The following MICU3 variants were observed in gnomAD, a reference collection of about 807,000 sequenced individuals.
MICU3 encodes calcium uptake protein 3, mitochondrial.
In MICU3, 62 loss-of-function variants were observed where a neutral mutation model predicts 66.5. That is an observed-to-expected ratio of 0.93 (90% CI 0.76 to 1.15). The LOEUF is 1.15. Among genes scored for constraint, MICU3 ranks in the 50% most tolerant of loss-of-function variants. The pLI is 0.00. For synonymous variants in MICU3, 308 were observed against 240.7 expected, an observed-to-expected ratio of 1.28 and a Z score of -2.59; for missense variants, 779 against 664.4, an observed-to-expected ratio of 1.17 and a Z score of -1.90.
chr8:17,094,583 T>C (rs1800464243), intron 8 of MICU3, among the ~76,000 whole-genome samples: 1 of 152,024 alleles, frequency 6.6e-6, no homozygotes, highest in African/African-American at 2.4e-5. Context: ...CAATATGTTA[T>C]TTTGGCAATA....
chr8:17,078,463 T>G (rs1196701218), intron 4 of MICU3, among the ~76,000 whole-genome samples: 1 of 152,132 alleles, frequency 6.6e-6, no homozygotes, highest in African/African-American at 2.4e-5. Flanking sequence ...TATTGTAATT[T>G]TCTTTTACAG....
intron 3 of MICU3, among the ~76,000 whole-genome samples, chr8:17,074,381 T>A (rs554164932): frequency 3.3e-5 from 5 of 152,168 alleles, no homozygotes; most frequent in Non-Finnish European, 7.4e-5. Flanking sequence ...AAGAGTTTCC[T>A]TTCAGAACTG....
chr8:17,087,639 G>A (rs898086859), intron 7 of MICU3, among the ~76,000 whole-genome samples: 14 of 151,890 alleles, frequency 9.2e-5, no homozygotes, highest in African/African-American at 2.4e-4. Context: ...CCTTACAAAC[G>A]GACACTATAC....
At chr8:17,085,130 A>G (rs1799332006) in intron 5 of MICU3, 106 bp from the exon 6 acceptor site, 5 of 661,518 alleles carry the variant, frequency 7.6e-6, no homozygotes, top group South Asian at 6.8e-5. Flanking sequence ...GCTTTCTACT[A>G]TCTTTAACCA....
chr8:17,075,079 G>T (rs1820176360), intron 3 of MICU3, among the ~76,000 whole-genome samples: 1 of 152,070 alleles, frequency 6.6e-6, no homozygotes. Context: ...CTATGGTTAT[G>T]GTTTTATTAG....
intron 11 of MICU3, among the ~76,000 whole-genome samples, chr8:17,111,106 A>C (rs1029321510): frequency 2.0e-5 from 3 of 152,100 alleles, no homozygotes; most frequent in Admixed American, 2.0e-4. Context: ...GAGTAATTAT[A>C]TTCAGCATCT....
At chr8:17,053,177 G>A (rs1816381772) in intron 1 of MICU3, among the ~76,000 whole-genome samples, 1 of 152,080 alleles carries the variant, frequency 6.6e-6, no homozygotes, top group African/African-American at 2.4e-5. Context: ...TTTCACGGTT[G>A]CTAAAAGGTA....
At chr8:17,069,073 GATCCCT>G in intron 2 of MICU3, among the ~76,000 whole-genome samples, 1 of 152,118 alleles carries the variant, frequency 6.6e-6, no homozygotes, top group Non-Finnish European at 1.5e-5. Flanking sequence ...AAAAGAAAGT[GATCCCT>G]GACATTTTAT....
At chr8:17,053,213 T>C (rs1326662458) in intron 1 of MICU3, among the ~76,000 whole-genome samples, 1 of 152,178 alleles carries the variant, frequency 6.6e-6, no homozygotes, top group Non-Finnish European at 1.5e-5. Flanking sequence ...TAAGGTATTA[T>C]GCAGTTTAGA....
At chr8:17,036,396 C>T (rs1300353660) in intron 1 of MICU3, among the ~76,000 whole-genome samples, 4 of 152,024 alleles carry the variant, frequency 2.6e-5, no homozygotes, top group Admixed American at 6.5e-5. Context: ...GAAGGGGACC[C>T]GAGCGGGTTG....
In MICU3 at chr8:17,104,445, T is replaced by G; in HGVS notation, c.1039T>G (p.Phe347Val). 1.4e-6 allele frequency: 2 copies of G among 1,467,622 alleles called. No homozygotes were observed. Among genetic ancestry groups the G allele is most frequent in the Non-Finnish European group, 1.8e-6 (2 of 1,088,636 alleles). The allele number at this position is 1,467,622 out of a possible 1,614,324, so 90.9% of individuals were successfully genotyped here. A position where few individuals can be genotyped will look rare whatever the true frequency, so the allele number is the denominator to read the frequency against. ...VTDTTLLVHF[F>V]GKKGKAELNF... ...AGATACTACACTTCTTGTACACTTT[T>G]TTGGAAAGAAAGGAAAAGCTGAGCT... Residue 347 changes from phenylalanine to valine, a missense_variant, in exon 10 of 15, where the codon TTT (phenylalanine) becomes GTT (valine). Transcript: ENST00000318063.
At chr8:17,035,651 A>C (rs565568654) in intron 1 of MICU3, among the ~76,000 whole-genome samples, 2 of 152,228 alleles carry the variant, frequency 1.3e-5, no homozygotes, top group Non-Finnish European at 2.9e-5. Flanking sequence ...TTTAAGCAGC[A>C]AAGTGTTCAA....
chr8:17,121,244 G>A lies in MICU3; in HGVS notation c.*957G>A, dbSNP rs943816079. On this transcript the variant is annotated 3_prime_UTR_variant, in exon 15 of 15. Transcript: ENST00000318063. ...ATATAAAATGGTTTATAAGACTGAT[G>A]TATATATTAAGTAGAAGCTAATATT... is the stretch of plus-strand genomic sequence containing the variant. 2.0e-5 allele frequency: 3 copies of A among 151,870 alleles called. No homozygotes were observed. Among genetic ancestry groups the A allele is most frequent in the African/African-American group, 2.4e-5 (1 of 41,430 alleles). The allele number at this position is 151,870 out of a possible 1,614,324, so 9.4% of individuals were successfully genotyped here. A position where few individuals can be genotyped will look rare whatever the true frequency, so the allele number is the denominator to read the frequency against.
At chr8:17,102,008 A>G (rs1801300005) in intron 9 of MICU3, among the ~76,000 whole-genome samples, 1 of 151,946 alleles carries the variant, frequency 6.6e-6, no homozygotes, top group African/African-American at 2.4e-5. Context: ...ATTCCTTAAG[A>G]TAGTAATATC....
At chr8:17,130,760 G>C in the MICU3 span, among the ~76,000 whole-genome samples, 1 of 151,908 alleles carries the variant, frequency 6.6e-6, no homozygotes, top group African/African-American at 2.4e-5. Context: ...AACCCATAAC[G>C]CAGGAAAGGA....
At chr8:17,068,435 A>C (rs1057104163) in intron 2 of MICU3, among the ~76,000 whole-genome samples, 1 of 152,170 alleles carries the variant, frequency 6.6e-6, no homozygotes, top group African/African-American at 2.4e-5. Flanking sequence ...GTACTTTTCT[A>C]CCATTTATTT....
intron 1 of MICU3, among the ~76,000 whole-genome samples, chr8:17,038,963 A>T (rs1203913237): frequency 2.7e-5 from 4 of 145,504 alleles, no homozygotes; most frequent in South Asian, 2.3e-4. Flanking sequence ...AAAAAAAAAA[A>T]AAAATAAATA....
downstream of MICU3, among the ~76,000 whole-genome samples, chr8:17,125,818 T>C (rs1178701492): frequency 6.6e-6 from 1 of 151,716 alleles, no homozygotes; most frequent in Non-Finnish European, 1.5e-5. Flanking sequence ...GGATCACGAG[T>C]CAGGAGTTCA....
At chr8:17,057,904 A>G (rs1049479906) in intron 1 of MICU3, among the ~76,000 whole-genome samples, 6 of 151,664 alleles carry the variant, frequency 4.0e-5, no homozygotes, top group Admixed American at 2.6e-4. Flanking sequence ...CTGGAGTGCA[A>G]TGGTGTGTTC....
Sources: gnomAD v4.1 joint callset for allele counts (sites outside exome capture counted in the v4.1 genomes callset) on GRCh38, gnomAD v4.1.1 for gene constraint, MANE v1.5 for transcripts, NCBI Gene and HGNC (gene_info 2026-07-23, HGNC 2026-07-21) for gene names.